The following MORC1 variants were observed in gnomAD, a reference collection of about 807,000 sequenced individuals.
The protein encoded by MORC1 is MORC family CW-type zinc finger 1, also known as MORC family CW-type zinc finger protein 1.
MORC1 carries 59 observed loss-of-function variants against 134.9 expected under a neutral mutation model. That is an observed-to-expected ratio of 0.44 (90% confidence interval 0.35 to 0.54). The LOEUF is 0.54. Among genes scored for constraint, MORC1 ranks in the 20% least tolerant of loss-of-function variants. The probability of loss-of-function intolerance (pLI) is 0.00; values close to 1 mark genes in which losing one functional copy is unlikely to be tolerated. For missense variants in MORC1, 947 were observed against 1,134.5 expected (o/e 0.83, Z 2.37); for synonymous variants, 395 against 391.7 (o/e 1.01, Z -0.10).
rs139566600 is a variant in MORC1 at position 109,057,253 on chromosome 3, G to T, written c.1175+90C>A. The stretch of plus-strand genomic sequence containing the variant: ...AGAGACTATGACACTTGCTCCCATT[G>T]TGATTAGTCACTCATCTCACTCCAC... On this transcript the variant is annotated intron_variant, in intron 13 of 27. Coordinates refer to ENST00000232603, the MANE Select transcript of MORC1 (RefSeq NM_014429.4). The T allele has an allele frequency of 8.1e-4, 1,093 of 1,345,874 alleles. 8 individuals carry two copies. The African/African-American group carries it at 0.014, about 17-fold the overall frequency. The allele number at this position is 1,345,874 out of a possible 1,614,324, so 83.4% of individuals were successfully genotyped here.
intron 21 of MORC1, among the ~76,000 whole-genome samples, chr3:108,996,572 G>T (rs1948236104): frequency 6.6e-6 from 1 of 152,152 alleles, no homozygotes; most frequent in Admixed American, 6.5e-5. Context: ...TCCAGAAAAT[G>T]CCTGGAGCTT....
intron 20 of MORC1, among the ~76,000 whole-genome samples, chr3:109,004,079 G>A (rs9815829): frequency 0.4 from 59,523 of 148,168 alleles, 12,216 homozygotes; most frequent in Middle Eastern, 0.48. Flanking sequence ...AAAAAAATAA[G>A]AATAAGAATA....
chr3:108,967,198 C>T (rs1239641559), intron 26 of MORC1, among the ~76,000 whole-genome samples: 1 of 152,180 alleles, frequency 6.6e-6, no homozygotes, highest in Non-Finnish European at 1.5e-5. Context: ...TATGCTAACT[C>T]TGTTCACCCT....
intron 3 of MORC1, among the ~76,000 whole-genome samples, chr3:109,106,485 T>C (rs909932627): frequency 5.3e-5 from 8 of 152,214 alleles, no homozygotes; most frequent in Non-Finnish European, 8.8e-5. Context: ...CTTAAAACTA[T>C]GAATTTCAGG....
In MORC1 at chr3:109,069,645, G is replaced by A. The variant is rs1018754733; in HGVS notation, c.802C>T (p.Leu268Phe). Reference protein sequence around the residue: ...RVKTKHLCYCLYRPRKYLYVT... With the variant: ...RVKTKHLCYCFYRPRKYLYVT... ...AAGATGAGTTACCTGGGTCTGTAGAGGCAATAGCAAAGATGTTTAGTTTTA... is the reference window on the plus strand; with the variant it reads ...AAGATGAGTTACCTGGGTCTGTAGAAGCAATAGCAAAGATGTTTAGTTTTA... The change falls in exon 9 of 28, where the codon CTC (leucine) becomes TTC (phenylalanine). Residue 268 changes from leucine to phenylalanine, a missense_variant. Physicochemically the swap from Leu to Phe is conservative, Grantham distance 22. This residue lies in a region of MORC1 where 722 missense variants were observed against 817.0 expected (regional missense o/e 0.88). Transcript: ENST00000232603. 1.2e-6 allele frequency: 2 copies of A among 1,605,080 alleles called. No individual in the cohort carries two copies. Among genetic ancestry groups the A allele is most frequent in the Non-Finnish European group, 1.7e-6 (2 of 1,174,458 alleles).
intron 16 of MORC1, 82 bp downstream of exon 16, chr3:109,032,638 A>C: frequency 1.1e-6 from 1 of 945,550 alleles, no homozygotes; most frequent in Non-Finnish European, 1.6e-6. Context: ...TCTATATTAT[A>C]GATTGACATT....
At chr3:108,999,793 T>TA (rs1277864470) in intron 21 of MORC1, among the ~76,000 whole-genome samples, 2 of 152,198 alleles carry the variant, frequency 1.3e-5, no homozygotes, top group African/African-American at 4.8e-5. Context: ...TAATGAGTAA[T>TA]AAAATTTATA....
chr3:108,993,683 T>C (rs1948125986), intron 21 of MORC1, among the ~76,000 whole-genome samples: 1 of 152,228 alleles, frequency 6.6e-6, no homozygotes, highest in Non-Finnish European at 1.5e-5. Context: ...TTGTACTACC[T>C]GTACAGTTTT....
chr3:108,978,231 T>C (rs1398347299), intron 24 of MORC1, among the ~76,000 whole-genome samples: 1 of 152,194 alleles, frequency 6.6e-6, no homozygotes, highest in East Asian at 1.9e-4. Flanking sequence ...GGCCTGCTTT[T>C]GTCCCATTTC....
intron 8 of MORC1, 71 bp downstream of exon 8, chr3:109,093,365 G>T: frequency 8.6e-7 from 1 of 1,165,364 alleles, no homozygotes; most frequent in Non-Finnish European, 1.3e-6. Context: ...CAGACCTGGA[G>T]CCAGGATGCA....
intron 10 of MORC1, among the ~76,000 whole-genome samples, chr3:109,062,762 T>C (rs1310506468): frequency 6.6e-6 from 1 of 152,114 alleles, no homozygotes; most frequent in Non-Finnish European, 1.5e-5. Context: ...GTTTATTTTA[T>C]TTTTTAAAAT....
chr3:108,999,835 T>C (rs1032451790), intron 21 of MORC1, among the ~76,000 whole-genome samples: 7 of 152,152 alleles, frequency 4.6e-5, no homozygotes, highest in Non-Finnish European at 8.8e-5. Flanking sequence ...AATAGATTTT[T>C]CCCTGACATT....
intron 26 of MORC1, 59 bp from the exon 27 acceptor site, chr3:108,963,667 A>G (rs1947142779): frequency 1.8e-6 from 2 of 1,123,560 alleles, no homozygotes; most frequent in Admixed American, 2.8e-5. Flanking sequence ...TCCCTCTAAT[A>G]TCACTAGACA....
intron 24 of MORC1, among the ~76,000 whole-genome samples, chr3:108,978,714 T>C (rs1268847986): frequency 6.6e-6 from 1 of 152,208 alleles, no homozygotes; most frequent in African/African-American, 2.4e-5. Context: ...AGGAAGATCA[T>C]GTCAATCACT....
intron 23 of MORC1, among the ~76,000 whole-genome samples, chr3:108,981,803 C>G (rs1947731828): frequency 6.6e-6 from 1 of 152,040 alleles, no homozygotes. Context: ...TTGTTTTTCC[C>G]TAGAAGAAAA....
At chr3:108,964,220 G>A (rs1229994793) in intron 26 of MORC1, among the ~76,000 whole-genome samples, 1 of 152,226 alleles carries the variant, frequency 6.6e-6, no homozygotes, top group East Asian at 1.9e-4. Flanking sequence ...ATTTCATGCT[G>A]TGCCTGAGGC....
At chr3:109,001,205 T>TC (rs1186724708) in intron 20 of MORC1, among the ~76,000 whole-genome samples, 6 of 152,128 alleles carry the variant, frequency 3.9e-5, no homozygotes, top group Non-Finnish European at 8.8e-5. Flanking sequence ...TGATCTTGGC[T>TC]CACTGCAACC....
At chr3:108,985,782 T>C (rs184593784) in intron 22 of MORC1, among the ~76,000 whole-genome samples, 3 of 152,344 alleles carry the variant, frequency 2.0e-5, no homozygotes, top group Admixed American at 2.0e-4. Flanking sequence ...ATTTTTCTAG[T>C]ACAATTTGGA....
chr3:109,105,603 T>C (rs1951016705), intron 3 of MORC1, among the ~76,000 whole-genome samples: 1 of 148,120 alleles, frequency 6.8e-6, no homozygotes, highest in Non-Finnish European at 1.5e-5. Context: ...CACTTGAGCC[T>C]AGGACTTCAA....
Sources: gnomAD v4.1 joint callset for allele counts (sites outside exome capture counted in the v4.1 genomes callset) on GRCh38, gnomAD v4.1.1 for gene constraint, gnomAD v4.1.1 regional missense constraint, MANE v1.5 for transcripts, NCBI Gene and HGNC (gene_info 2026-07-23, HGNC 2026-07-21) for gene names.